MAF: variants seen among roughly 807,000 people sequenced by gnomAD.
MAF encodes the protein transcription factor Maf.
A neutral mutation model predicts 22.0 loss-of-function variants in MAF; 10 were observed. The observed-to-expected ratio is 0.45, with a 90% CI of 0.28 to 0.77. MAF has a LOEUF of 0.77. MAF is among the 30% of genes least tolerant of loss of function. MAF has a pLI of 0.12. For missense variants in MAF, 544 were observed against 548.4 expected, an observed-to-expected ratio of 0.99 and a Z score of 0.08; for synonymous variants, 337 against 255.8, an observed-to-expected ratio of 1.32 and a Z score of -3.03.
rs2061660565 is a variant in MAF at position 79,594,454 on chromosome 16, C to G, written c.*6G>C. The G allele has an allele frequency of 1.3e-6, 2 of 1,554,754 alleles. No homozygotes were observed. Among genetic ancestry groups the G allele is most frequent in the African/African-American group, 2.7e-5 (2 of 73,314 alleles). On this transcript the variant is annotated 3_prime_UTR_variant, in exon 2 of 2. Transcript: ENST00000326043. ...TTTTTTTTAATGTACAGCTCTCACA[C>G]AAATTTCATTTTGTGAACACACTGG... is the stretch of plus-strand genomic sequence containing the variant.
At chr16:79,348,246 T>C in the MAF span, among the ~76,000 whole-genome samples, 1 of 152,248 alleles carries the variant, frequency 6.6e-6, no homozygotes, top group Admixed American at 6.5e-5. Context: ...AGCTCAGTAA[T>C]GCTCCTCCAG....
the MAF span, among the ~76,000 whole-genome samples, chr16:79,252,785 C>T: frequency 3.3e-5 from 5 of 152,092 alleles, no homozygotes; most frequent in African/African-American, 1.2e-4. Flanking sequence ...TCACCGTGCC[C>T]GGCCGTGGTT....
At chr16:79,549,187 A>G in the MAF span, among the ~76,000 whole-genome samples, 2 of 152,180 alleles carry the variant, frequency 1.3e-5, no homozygotes, top group Admixed American at 6.5e-5. Context: ...AACAGGAACA[A>G]CTGCAAGAGT....
chr16:79,224,548 T>G, the MAF span, among the ~76,000 whole-genome samples: 88 of 152,130 alleles, frequency 5.8e-4, no homozygotes, highest in African/African-American at 2.1e-3. Context: ...GGTATTCAAT[T>G]AGGAAAAAAG....
chr16:79,519,636 G>A, the MAF span, among the ~76,000 whole-genome samples: 135 of 152,300 alleles, frequency 8.9e-4, 1 homozygote, highest in South Asian at 3.1e-3. Flanking sequence ...ACTGTAGCCC[G>A]GGTGGCCTGG....
At chr16:79,335,388 C>A in the MAF span, among the ~76,000 whole-genome samples, 1 of 152,106 alleles carries the variant, frequency 6.6e-6, no homozygotes, top group Non-Finnish European at 1.5e-5. Flanking sequence ...AAACTGGCTT[C>A]TTCGAAGAAG....
the MAF span, among the ~76,000 whole-genome samples, chr16:79,419,910 C>T: frequency 1.4e-5 from 2 of 138,982 alleles, no homozygotes; most frequent in African/African-American, 3.2e-5. Flanking sequence ...TTAAATCTCC[C>T]GGAAAAAAAA....
At chr16:79,557,725 T>A in the MAF span, among the ~76,000 whole-genome samples, 19 of 152,160 alleles carry the variant, frequency 1.2e-4, no homozygotes, top group East Asian at 2.9e-3. Context: ...AAAGTTCATG[T>A]GCAATTTTTC....
the MAF span, among the ~76,000 whole-genome samples, chr16:79,373,597 G>A: frequency 6.6e-6 from 1 of 151,780 alleles, no homozygotes; most frequent in East Asian, 1.9e-4. Context: ...TGGCTAGGCT[G>A]GTCTCAAACT....
At chr16:79,563,530 A>C in the MAF span, among the ~76,000 whole-genome samples, 1 of 152,182 alleles carries the variant, frequency 6.6e-6, no homozygotes, top group Non-Finnish European at 1.5e-5. Context: ...GATTTGTGAA[A>C]TATCTCAGTA....
chr16:79,383,964 A>T, the MAF span, among the ~76,000 whole-genome samples: 2 of 152,208 alleles, frequency 1.3e-5, no homozygotes, highest in African/African-American at 4.8e-5. Context: ...GCCACTTGTG[A>T]AAAAGTCCAA....
At chr16:79,598,500 A>T in intron 1 of MAF, 1 of 1,336,072 alleles carries the variant, frequency 7.5e-7, no homozygotes. Context: ...AGAATTTCAG[A>T]TTGGCAATCC....
the MAF span, among the ~76,000 whole-genome samples, chr16:79,440,545 C>G: frequency 6.6e-6 from 1 of 152,180 alleles, no homozygotes; most frequent in Non-Finnish European, 1.5e-5. Context: ...AAACGATTCT[C>G]CTGCCTCACT....
the MAF span, among the ~76,000 whole-genome samples, chr16:79,306,276 C>A: frequency 6.6e-6 from 1 of 152,192 alleles, no homozygotes; most frequent in Non-Finnish European, 1.5e-5. Context: ...GGCCATTTTC[C>A]CATTCTAAAT....
At chr16:79,452,602 G>A in the MAF span, among the ~76,000 whole-genome samples, 5 of 152,064 alleles carry the variant, frequency 3.3e-5, no homozygotes, top group Non-Finnish European at 7.4e-5. Context: ...TTGGTGATTT[G>A]AAAAATGTGG....
intron 1 of MAF, among the ~76,000 whole-genome samples, chr16:79,586,661 C>A (rs753034936): frequency 2.6e-5 from 4 of 152,176 alleles, no homozygotes; most frequent in Non-Finnish European, 1.5e-5. Context: ...GTTCAAAAAA[C>A]GCTTATTGCT....
the MAF span, among the ~76,000 whole-genome samples, chr16:79,238,444 C>G: frequency 1.2e-4 from 19 of 152,020 alleles, no homozygotes; most frequent in African/African-American, 4.3e-4. Context: ...TTTTAGGAGT[C>G]TATGACCACA....
chr16:79,211,748 G>C, the MAF span: 3 of 1,614,202 alleles, frequency 1.9e-6, no homozygotes, highest in Non-Finnish European at 2.5e-6. Context: ...CCCTGTGGGC[G>C]CTCAGCGAGA....
chr16:79,381,145 A>G, the MAF span, among the ~76,000 whole-genome samples: 1 of 151,976 alleles, frequency 6.6e-6, no homozygotes. Context: ...GAGATCAATG[A>G]TAAGTAGAAA....
Sources: allele counts gnomAD v4.1 joint callset (sites outside exome capture counted in the v4.1 genomes callset), GRCh38; gene constraint gnomAD v4.1.1; transcripts MANE v1.5; gene names NCBI Gene and HGNC (gene_info 2026-07-23, HGNC 2026-07-21).